Variants in OR1J2 observed in about 807,000 individuals in gnomAD.
OR1J2 encodes the protein olfactory receptor 1J2.
For synonymous variants in OR1J2, 142 were observed against 99.7 expected (o/e 1.42, Z -2.52); for missense variants, 304 against 246.1 (o/e 1.24, Z -1.57).
the OR1J2 span, among the ~76,000 whole-genome samples, chr9:122,523,039 G>A: frequency 2.0e-5 from 3 of 152,126 alleles, no homozygotes; most frequent in Non-Finnish European, 1.5e-5. Flanking sequence ...GCTTAGAGAC[G>A]ATGAAATACT....
At chr9:122,567,464 A>G in the OR1J2 span, 1 of 1,038,818 alleles carries the variant, frequency 9.6e-7, no homozygotes, top group Admixed American at 2.3e-5. Flanking sequence ...AGCTTCCAAC[A>G]GCTTTGACTG....
At chr9:122,553,715 C>G in the OR1J2 span, 4 of 1,614,010 alleles carry the variant, frequency 2.5e-6, no homozygotes, top group Non-Finnish European at 3.4e-6. Flanking sequence ...TGCTGACCCG[C>G]GTGGCTTTCT....
At chr9:122,524,539 G>C in the OR1J2 span, among the ~76,000 whole-genome samples, 1 of 152,188 alleles carries the variant, frequency 6.6e-6, no homozygotes, top group East Asian at 1.9e-4. Flanking sequence ...AACGGCCACA[G>C]AATTATATTA....
the OR1J2 span, among the ~76,000 whole-genome samples, chr9:122,538,261 G>A: frequency 6.6e-6 from 1 of 152,142 alleles, no homozygotes; most frequent in East Asian, 1.9e-4. Context: ...GCCTGACTGG[G>A]TTTCTTCCTT....
the OR1J2 span, among the ~76,000 whole-genome samples, chr9:122,471,664 G>A: frequency 6.6e-6 from 1 of 152,198 alleles, no homozygotes; most frequent in Non-Finnish European, 1.5e-5. Flanking sequence ...ATTAGACACT[G>A]TGGAATCTAG....
chr9:122,540,910 C>T, the OR1J2 span, among the ~76,000 whole-genome samples: 8 of 149,438 alleles, frequency 5.4e-5, no homozygotes, highest in Admixed American at 2.0e-4. Context: ...TGATTTGGCT[C>T]TCTGTTTGTC....
At chr9:122,449,439 G>A in the OR1J2 span, among the ~76,000 whole-genome samples, 14 of 151,862 alleles carry the variant, frequency 9.2e-5, no homozygotes, top group African/African-American at 2.7e-4. Context: ...GTGCGATCTC[G>A]GCTTACTGCA....
the OR1J2 span, chr9:122,527,246 TG>T: frequency 6.2e-7 from 1 of 1,613,184 alleles, no homozygotes; most frequent in South Asian, 1.1e-5. Flanking sequence ...CTGGAGGCGC[TG>T]ATATTCCTCG....
the OR1J2 span, among the ~76,000 whole-genome samples, chr9:122,533,017 G>C: frequency 6.6e-6 from 1 of 152,088 alleles, no homozygotes; most frequent in Non-Finnish European, 1.5e-5. Flanking sequence ...CGGCAGTACA[G>C]CCCAGGTAAT....
chr9:122,487,490 C>CACACACACAA, the OR1J2 span, among the ~76,000 whole-genome samples: 4 of 148,082 alleles, frequency 2.7e-5, no homozygotes, highest in African/African-American at 1.0e-4. Flanking sequence ...CACACACACA[C>CACACACACAA]AAACTGCTTA....
the OR1J2 span, among the ~76,000 whole-genome samples, chr9:122,545,238 CCT>C: frequency 6.6e-6 from 1 of 151,440 alleles, no homozygotes; most frequent in South Asian, 2.1e-4. Flanking sequence ...ATTTTATGGC[CCT>C]CTCTATGGTT....
At chr9:122,543,025 GCTGTAA>G in the OR1J2 span, among the ~76,000 whole-genome samples, 4 of 152,076 alleles carry the variant, frequency 2.6e-5, no homozygotes, top group Non-Finnish European at 5.9e-5. Flanking sequence ...GAGCATTTTG[GCTGTAA>G]CTATTTCTGA....
chr9:122,484,322 G>A, the OR1J2 span, among the ~76,000 whole-genome samples: 11 of 151,910 alleles, frequency 7.2e-5, 1 homozygote, highest in Admixed American at 3.9e-4. Flanking sequence ...CCACCATGCC[G>A]AGCTAATTTT....
the OR1J2 span, chr9:122,477,278 A>G: frequency 6.2e-7 from 1 of 1,614,170 alleles, no homozygotes; most frequent in Non-Finnish European, 8.5e-7. Context: ...TGACCATAAG[A>G]AACCAGGATG....
chr9:122,545,690 A>G, the OR1J2 span, among the ~76,000 whole-genome samples: 9 of 152,028 alleles, frequency 5.9e-5, no homozygotes, highest in African/African-American at 1.7e-4. Flanking sequence ...GTGAAAAATC[A>G]CTCTGAAAAA....
chr9:122,477,927 G>GTT, the OR1J2 span: 25,684 of 1,580,506 alleles, frequency 0.016, 368 homozygotes, highest in East Asian at 0.071. Context: ...CAGGGCTCAT[G>GTT]TTTATATCAG....
chr9:122,522,466 C>T, the OR1J2 span, among the ~76,000 whole-genome samples: 1 of 152,110 alleles, frequency 6.6e-6, no homozygotes, highest in African/African-American at 2.4e-5. Context: ...TATTTTGTCA[C>T]AGATGGAAAG....
the OR1J2 span, among the ~76,000 whole-genome samples, chr9:122,530,658 A>T: frequency 2.0e-5 from 3 of 152,318 alleles, no homozygotes; most frequent in Middle Eastern, 3.4e-3. Flanking sequence ...GTGAGCAACA[A>T]GGCTGTTTAT....
At chr9:122,465,335 A>G in the OR1J2 span, among the ~76,000 whole-genome samples, 3 of 152,214 alleles carry the variant, frequency 2.0e-5, no homozygotes, top group African/African-American at 4.8e-5. Context: ...TCATTCCCTG[A>G]CAGGGCTCTG....
Sources: gnomAD v4.1 joint callset for allele counts (sites outside exome capture counted in the v4.1 genomes callset) on GRCh38, gnomAD v4.1.1 for gene constraint, MANE v1.5 for transcripts, NCBI Gene and HGNC (gene_info 2026-07-23, HGNC 2026-07-21) for gene names.